KRAS: variants seen among roughly 807,000 people sequenced by gnomAD.
KRAS encodes KRas proto-oncogene, GTPase, also known as GTPase KRas.
In KRAS, 1 loss-of-function variant was observed where a neutral mutation model predicts 21.0. That is an observed-to-expected ratio of 0.05 (90% CI 0.02 to 0.23). The LOEUF is 0.23. Ranked by LOEUF, KRAS falls within the 10% of genes least tolerant of loss-of-function variation. The probability of loss-of-function intolerance (pLI) is 1.00; values close to 1 mark genes in which losing one functional copy is unlikely to be tolerated. For synonymous variants in KRAS, 67 were observed against 72.5 expected (o/e 0.92, Z 0.39); for missense variants, 107 against 221.8 (o/e 0.48, Z 3.29).
intron 4 of KRAS, among the ~76,000 whole-genome samples, chr12:25,221,593 T>C (rs565396183): frequency 6.6e-5 from 10 of 152,124 alleles, no homozygotes; most frequent in African/African-American, 1.9e-4. Flanking sequence ...TAAAGGGTCA[T>C]AATTAAAAAA....
At chr12:25,236,375 G>A (rs1951544915) in intron 2 of KRAS, among the ~76,000 whole-genome samples, 1 of 152,114 alleles carries the variant, frequency 6.6e-6, no homozygotes, top group South Asian at 2.1e-4. Context: ...AGCAGCCAAA[G>A]GCACCTCTGC....
intron 4 of KRAS, chr12:25,215,499 AT>A (rs1485419322): frequency 1.2e-6 from 2 of 1,611,862 alleles, no homozygotes; most frequent in Admixed American, 1.7e-5. Context: ...TTCTTTGCTG[AT>A]TTTTTTCAAT....
chr12:25,224,880 A>G (rs61762411), intron 4 of KRAS, among the ~76,000 whole-genome samples: 269 of 152,294 alleles, frequency 1.8e-3, no homozygotes, highest in Non-Finnish European at 3.5e-3. Context: ...TCATTAAGAG[A>G]CATATGACTA....
chr12:25,221,462 G>C (rs1160190291), intron 4 of KRAS, among the ~76,000 whole-genome samples: 1 of 152,092 alleles, frequency 6.6e-6, no homozygotes, highest in Non-Finnish European at 1.5e-5. Flanking sequence ...TCGAACTCCT[G>C]ACCTCAGGTG....
intron 4 of KRAS, chr12:25,215,371 G>GCCA: frequency 6.2e-7 from 1 of 1,604,166 alleles, no homozygotes; most frequent in South Asian, 1.1e-5. Context: ...TAAAGTGGTT[G>GCCA]CCACCTTGTT....
intron 1 of KRAS, among the ~76,000 whole-genome samples, chr12:25,246,457 C>T (rs2135808111): frequency 6.6e-6 from 1 of 151,524 alleles, no homozygotes; most frequent in East Asian, 2.0e-4. Flanking sequence ...ACTGGGGAGG[C>T]TGAGGAAGGA....
intron 2 of KRAS, among the ~76,000 whole-genome samples, chr12:25,232,410 G>A (rs748540912): frequency 4.6e-5 from 7 of 152,048 alleles, no homozygotes; most frequent in Non-Finnish European, 7.4e-5. Context: ...CACATTATTT[G>A]AAGTATTCTC....
intron 1 of KRAS, among the ~76,000 whole-genome samples, chr12:25,250,509 A>C (rs1951752624): frequency 6.6e-6 from 1 of 151,830 alleles, no homozygotes; most frequent in Non-Finnish European, 1.5e-5. Flanking sequence ...ACCAGCGGCG[A>C]CCGCCTCCAG....
intron 2 of KRAS, among the ~76,000 whole-genome samples, chr12:25,244,953 T>C (rs765215197): frequency 6.6e-6 from 1 of 151,980 alleles, no homozygotes; most frequent in African/African-American, 2.4e-5. Flanking sequence ...AAGAAACCCA[T>C]AAAAATAAAA....
chr12:25,245,693 C>T (rs1449346884), intron 1 of KRAS, among the ~76,000 whole-genome samples: 1 of 152,166 alleles, frequency 6.6e-6, no homozygotes, highest in Non-Finnish European at 1.5e-5. Context: ...AGCCAGACTG[C>T]TGTTCTGCGG....
intron 2 of KRAS, among the ~76,000 whole-genome samples, chr12:25,235,648 T>C (rs1346177886): frequency 1.3e-5 from 2 of 152,258 alleles, no homozygotes; most frequent in East Asian, 3.9e-4. Context: ...CAACTTTGTA[T>C]GCATTAAGAA....
chr12:25,236,750 G>A (rs1450857199), intron 2 of KRAS, among the ~76,000 whole-genome samples: 2 of 151,952 alleles, frequency 1.3e-5, no homozygotes, highest in African/African-American at 2.4e-5. Flanking sequence ...AGTATGGACC[G>A]AAAAGATTAA....
At position 25,209,880 on chromosome 12, in the gene KRAS, C is replaced by T. The variant is rs2141481655; in HGVS notation, c.482G>A (p.Arg161Gln). 2 of 1,610,826 alleles carry T rather than the reference C, an allele frequency of 1.2e-6. No individual in the cohort carries two copies. Among genetic ancestry groups the T allele is most frequent in the South Asian group, 1.1e-5 (1 of 90,856 alleles). Residue 161 changes from arginine (R) to glutamine (Q), a missense_variant, in exon 5 of 5, where the codon CGA becomes CAA. Around this residue, in one of 2 missense-constraint regions of KRAS, gnomAD observed 65 missense variants for 82.3 expected, o/e 0.79. Coordinates refer to ENST00000311936, the MANE Select transcript of KRAS (RefSeq NM_004985.5). ...GVDDAFYTLVREIRKHKEKMS... is the reference protein window; with the variant it reads ...GVDDAFYTLVQEIRKHKEKMS... The stretch of plus-strand genomic sequence containing the variant: ...CTTTTCTTTATGTTTTCGAATTTCT[C>T]GAACTAATGTATAGAAGGCATCATC...
At chr12:25,236,762 T>C (rs1003356483) in intron 2 of KRAS, among the ~76,000 whole-genome samples, 22 of 152,132 alleles carry the variant, frequency 1.4e-4, no homozygotes, top group Admixed American at 2.0e-4. Context: ...AAAGATTAAA[T>C]AGATTTGAGA....
At chr12:25,215,126 ATCTC>A in intron 4 of KRAS, 12 of 256,324 alleles carry the variant, frequency 4.7e-5, no homozygotes, top group Non-Finnish European at 5.8e-5. Context: ...GCTGCTGATT[ATCTC>A]AAAACTTTTC....
In KRAS at chr12:25,217,393, T is replaced by C. The variant is rs1322206097; in HGVS notation, c.451-7482A>G. Among the ~76,000 whole-genome samples the C allele has an allele frequency of 2.0e-5, 3 of 152,208 alleles. No homozygotes were observed. The East Asian group carries it at 5.8e-4, about 29-fold the overall frequency. ...TTTAATTTAAATTCATAATGTTAAGTTTCAGTTCAAAGGCAGGCATTTAAG... is the reference window on the plus strand; with the variant it reads ...TTTAATTTAAATTCATAATGTTAAGCTTCAGTTCAAAGGCAGGCATTTAAG... On this transcript the variant is annotated intron_variant, in intron 4 of 4. Coordinates refer to ENST00000311936, the MANE Select transcript of KRAS (RefSeq NM_004985.5).
chr12:25,248,189 G>T (rs190986068), intron 1 of KRAS, among the ~76,000 whole-genome samples: 85 of 150,624 alleles, frequency 5.6e-4, no homozygotes, highest in African/African-American at 1.9e-3. Context: ...AGTGTAGGCC[G>T]GGTGTGGTGG....
intron 4 of KRAS, among the ~76,000 whole-genome samples, chr12:25,222,041 T>C (rs1951332513): frequency 6.6e-6 from 1 of 151,054 alleles, no homozygotes; most frequent in African/African-American, 2.4e-5. Flanking sequence ...CCCAGCTACT[T>C]GGGAGGCTGA....
intron 2 of KRAS, among the ~76,000 whole-genome samples, chr12:25,243,549 C>G (rs1448090224): frequency 6.6e-6 from 1 of 152,192 alleles, no homozygotes; most frequent in South Asian, 2.1e-4. Flanking sequence ...TCCTAACCCA[C>G]TTTATCACAT....
Sources: allele counts gnomAD v4.1 joint callset (sites outside exome capture counted in the v4.1 genomes callset), GRCh38; gene constraint gnomAD v4.1.1; regional missense constraint gnomAD v4.1.1; transcripts MANE v1.5; gene names NCBI Gene and HGNC (gene_info 2026-07-23, HGNC 2026-07-21).